UGT1A10: variants seen among roughly 807,000 people sequenced by gnomAD.
The protein encoded by UGT1A10 is UDP-glucuronosyltransferase 1A10.
In UGT1A10, 49 loss-of-function variants were observed where a neutral mutation model predicts 45.8. The observed-to-expected ratio is 1.07, with a 90% CI of 0.85 to 1.36. The LOEUF (loss-of-function observed/expected upper bound fraction) is 1.36, where lower values mean the gene tolerates loss of function less well. Among genes scored for constraint, UGT1A10 ranks in the 40% most tolerant of loss-of-function variants. UGT1A10 has a pLI of 0.00. For missense variants in UGT1A10, 745 were observed against 668.6 expected (o/e 1.11, Z -1.26); for synonymous variants, 284 against 249.7 (o/e 1.14, Z -1.29).
chr2:233,718,671 G>A (rs2125661648), intron 1 of UGT1A10: 2 of 1,551,780 alleles, frequency 1.3e-6, no homozygotes, highest in Non-Finnish European at 1.7e-6. Flanking sequence ...ATAGATTAAT[G>A]GGTAATAAGT....
intron 1 of UGT1A10, among the ~76,000 whole-genome samples, chr2:233,712,428 T>C (rs923702716): frequency 1.3e-5 from 2 of 152,332 alleles, no homozygotes; most frequent in African/African-American, 4.8e-5. Flanking sequence ...AGAAATATCC[T>C]GGTGTGAAAA....
chr2:233,676,744 T>C (rs1236450917), intron 1 of UGT1A10, among the ~76,000 whole-genome samples: 3 of 152,204 alleles, frequency 2.0e-5, no homozygotes, highest in Non-Finnish European at 4.4e-5. Context: ...TTCATCGTGG[T>C]AAAACTGGGT....
chr2:233,657,528 T>C (rs2073882327), intron 1 of UGT1A10, among the ~76,000 whole-genome samples: 2 of 152,240 alleles, frequency 1.3e-5, no homozygotes, highest in South Asian at 4.1e-4. Flanking sequence ...ACTCACCCAT[T>C]ATCGGGAAAA....
chr2:233,675,716 C>T (rs1461493103), intron 1 of UGT1A10, among the ~76,000 whole-genome samples: 1 of 152,188 alleles, frequency 6.6e-6, no homozygotes, highest in Non-Finnish European at 1.5e-5. Context: ...AAATAATTTT[C>T]ACTATTTTGC....
chr2:233,768,027 G>A (rs762903764), intron 3 of UGT1A10, 91 bp downstream of exon 3: 89 of 1,612,900 alleles, frequency 5.5e-5, no homozygotes, highest in Non-Finnish European at 7.1e-5. Context: ...TGTTGAGCTT[G>A]AAAATATTAT....
At chr2:233,646,260 A>G (rs916711121) in intron 1 of UGT1A10, among the ~76,000 whole-genome samples, 3 of 152,186 alleles carry the variant, frequency 2.0e-5, no homozygotes, top group African/African-American at 4.8e-5. Flanking sequence ...GTTTCCTCCT[A>G]GGCCTCCAGG....
chr2:233,744,031 A>G, intron 1 of UGT1A10: 1 of 839,512 alleles, frequency 1.2e-6, no homozygotes. Flanking sequence ...GACGCCCCTT[A>G]TGACGCAGCC....
intron 1 of UGT1A10, chr2:233,648,027 G>A (rs1389242594): frequency 3.8e-6 from 6 of 1,596,754 alleles, no homozygotes; most frequent in African/African-American, 2.7e-5. Flanking sequence ...AGGTGAGTTG[G>A]CAACTGGGAA....
intron 1 of UGT1A10, among the ~76,000 whole-genome samples, chr2:233,764,157 G>A (rs1698491746): frequency 6.6e-6 from 1 of 152,190 alleles, no homozygotes; most frequent in African/African-American, 2.4e-5. Flanking sequence ...GGCTGGTGAA[G>A]TCTCATCAGA....
At chr2:233,656,995 G>T (rs1322073740) in intron 1 of UGT1A10, among the ~76,000 whole-genome samples, 1 of 151,866 alleles carries the variant, frequency 6.6e-6, no homozygotes, top group Non-Finnish European at 1.5e-5. Context: ...CCTGCGTTAG[G>T]ACCTAACCTT....
In UGT1A10 at chr2:233,769,475, G is replaced by A. The variant is rs1699877907; in HGVS notation, c.1295+1036G>A. 2.5e-6 allele frequency: 4 copies of A among 1,611,166 alleles called. No homozygotes were observed. The highest frequency in any genetic ancestry group is 1.7e-4 in the Middle Eastern group (1 of 6,054). ...TGTGCATTCATATGCGTGTGTGTGT[G>A]TGTGCGTGTGTTTATGAGAGTGTCC... On this transcript the variant is annotated intron_variant, in intron 4 of 4. Coordinates refer to ENST00000344644, the MANE Select transcript of UGT1A10 (RefSeq NM_019075.4). The surrounding 1 kb of genome is among the most constrained non-coding windows in gnomAD (Gnocchi z 4.4).
In UGT1A10 at chr2:233,743,767, G is replaced by C. The variant is rs374421270; in HGVS notation, c.856-23267G>C. ...CGTCCGACAACACCTCGTAGGCCTCGGCCACCTGCTTGAATCTCCTCTCCG... is the reference window on the plus strand; with the variant it reads ...CGTCCGACAACACCTCGTAGGCCTCCGCCACCTGCTTGAATCTCCTCTCCG... On this transcript the variant is annotated intron_variant, in intron 1 of 4. Transcript: ENST00000344644. 1.6e-3 allele frequency: 2,161 copies of C among 1,367,298 alleles called. 5 individuals are homozygous for C. Among genetic ancestry groups the C allele is most frequent in the Non-Finnish European group, 2.0e-3 (2,052 of 1,021,846 alleles). 84.7% of individuals were successfully genotyped at this position (1,367,298 alleles called of 1,614,324 possible).
intron 1 of UGT1A10, among the ~76,000 whole-genome samples, chr2:233,719,884 G>A (rs2076812512): frequency 6.6e-6 from 1 of 152,164 alleles, no homozygotes; most frequent in South Asian, 2.1e-4. Flanking sequence ...AGGCACGGAT[G>A]AGGGTCTGTC....
chr2:233,664,164 A>G (rs1164577802), intron 1 of UGT1A10, among the ~76,000 whole-genome samples: 1 of 152,162 alleles, frequency 6.6e-6, no homozygotes, highest in African/African-American at 2.4e-5. Flanking sequence ...TCATTTTCAC[A>G]TGAGACCTCA....
intron 1 of UGT1A10, among the ~76,000 whole-genome samples, chr2:233,700,927 G>T (rs1016140618): frequency 2.6e-5 from 4 of 151,424 alleles, no homozygotes; most frequent in Admixed American, 2.0e-4. Flanking sequence ...CTGTGTCTGT[G>T]TGTGATTGTT....
intron 1 of UGT1A10, among the ~76,000 whole-genome samples, chr2:233,642,507 G>A (rs147043483): frequency 2.4e-4 from 36 of 152,246 alleles, no homozygotes; most frequent in African/African-American, 7.7e-4. Flanking sequence ...TTTCTCCAGC[G>A]TTAGTCCCTG....
At chr2:233,747,074 A>T (rs1478196307) in intron 1 of UGT1A10, 1 of 1,039,396 alleles carries the variant, frequency 9.6e-7, no homozygotes, top group Non-Finnish European at 1.3e-6. Flanking sequence ...GGTAATAATT[A>T]ACTAGGAGGA....
intron 1 of UGT1A10, among the ~76,000 whole-genome samples, chr2:233,661,166 C>CA (rs1553602596): frequency 6.6e-6 from 1 of 150,970 alleles, no homozygotes; most frequent in Non-Finnish European, 1.5e-5. Flanking sequence ...TAGTTTCAGA[C>CA]TTTTTTTTTC....
At chr2:233,720,018 G>C (rs2076822730) in intron 1 of UGT1A10, among the ~76,000 whole-genome samples, 1 of 152,130 alleles carries the variant, frequency 6.6e-6, no homozygotes, top group Middle Eastern at 3.2e-3. Flanking sequence ...ATCCATCCTG[G>C]GGTTTTTGCT....
Sources: allele counts gnomAD v4.1 joint callset (sites outside exome capture counted in the v4.1 genomes callset), GRCh38; gene constraint gnomAD v4.1.1; non-coding constraint Gnocchi (gnomAD v3.1); transcripts MANE v1.5; gene names NCBI Gene and HGNC (gene_info 2026-07-23, HGNC 2026-07-21).